Variants in DENND6B observed in about 807,000 individuals in gnomAD.
The protein encoded by DENND6B is DENN domain containing 6B.
DENND6B carries 73 observed loss-of-function variants against 85.1 expected under a neutral mutation model. That is an observed-to-expected ratio of 0.86 (90% CI 0.71 to 1.04). The LOEUF (loss-of-function observed/expected upper bound fraction) is 1.04, where lower values mean the gene tolerates loss of function less well. DENND6B is among the 50% of genes least tolerant of loss of function. The pLI is 0.00. For missense variants in DENND6B, 715 were observed against 785.8 expected (o/e 0.91, Z 1.08); for synonymous variants, 357 against 329.3 (o/e 1.08, Z -0.91).
At chr22:50,312,855 A>G in intron 17 of DENND6B, 144 bp downstream of exon 17, 4 of 174,544 alleles carry the variant, frequency 2.3e-5, no homozygotes, top group Non-Finnish European at 3.0e-5. Context: ...GGGGATTGAC[A>G]GGCGGGGGGC....
chr22:50,316,438 A>G lies in DENND6B; in HGVS notation c.491T>C (p.Leu164Pro). 6.3e-7 allele frequency: 1 copy of G among 1,588,352 alleles called. No homozygotes were observed. Among genetic ancestry groups the G allele is most frequent in the Non-Finnish European group, 8.6e-7 (1 of 1,168,884 alleles). ...GATGAGGCTTAGCAGCGCTTGGAAC[A>G]GCCGGACAAAGGGCAAGCGGGACAC... ...VLVSRLPFVR[L>P]FQALLSLIAP... is the part of the protein sequence containing the mutation. The change falls in exon 6 of 20, where the codon CTG (leucine) becomes CCG (proline). Residue 164 changes from leucine to proline, a missense_variant. Transcript: ENST00000413817.
rs1234021516 is a variant in DENND6B at position 50,311,294 on chromosome 22, C to G, written c.*845G>C. 2 of 152,300 alleles carry G rather than the reference C, an allele frequency of 1.3e-5. No homozygotes were observed. The highest frequency in any genetic ancestry group is 2.9e-5 in the Non-Finnish European group (2 of 68,122). The allele number at this position is 152,300 out of a possible 1,614,324, so 9.4% of individuals were successfully genotyped here. ...GAGGTGGCTCTTAGGGACGTTCACC[C>G]CTTACCAAGGAAAGGGAGACATGCA... On this transcript the variant is annotated 3_prime_UTR_variant, in exon 20 of 20. Coordinates refer to ENST00000413817, the MANE Select transcript of DENND6B (RefSeq NM_001001794.4).
chr22:50,319,842 C>T (rs1056462022), intron 1 of DENND6B, among the ~76,000 whole-genome samples: 6 of 152,240 alleles, frequency 3.9e-5, no homozygotes, highest in Non-Finnish European at 5.9e-5. Context: ...AGCGCCCAGC[C>T]GGACAAGGCC....
rs868515811 is a variant in DENND6B at position 50,309,043 on chromosome 22, G to A, written c.*3096C>T. The A allele has an allele frequency of 6.6e-6, 1 of 152,184 alleles. No individual in the cohort carries two copies. The highest frequency in any genetic ancestry group is 2.4e-5 in the African/African-American group (1 of 41,436). The allele number at this position is 152,184 out of a possible 1,614,324, so 9.4% of individuals were successfully genotyped here. A position where few individuals can be genotyped will look rare whatever the true frequency, so the allele number is the denominator to read the frequency against. ...GAAAAGACAAGGTCCAGTCACAAAA[G>A]GACATTTTAATACCAAAACTGTGGG... is the stretch of plus-strand genomic sequence containing the variant. On this transcript the variant is annotated 3_prime_UTR_variant, in exon 20 of 20. Coordinates refer to ENST00000413817, the MANE Select transcript of DENND6B (RefSeq NM_001001794.4).
At chr22:50,314,025 C>G in intron 13 of DENND6B, 147 bp from the exon 14 acceptor site, 1 of 1,290,646 alleles carries the variant, frequency 7.7e-7, no homozygotes, top group Non-Finnish European at 1.0e-6. Context: ...CACCCACCCC[C>G]CAGACACCGA....
chr22:50,318,897 A>G lies in DENND6B; in HGVS notation c.217-8T>C, dbSNP rs761658701. ...GTAGCAGATGCTGCTTTTCTGAAAC[A>G]TATAAAACCCCGGTGAGGGCCGACC... is the stretch of plus-strand genomic sequence containing the variant. On this transcript the variant is annotated splice_region_variant and splice_polypyrimidine_tract_variant and intron_variant, in intron 2 of 19. Coordinates refer to ENST00000413817, the MANE Select transcript of DENND6B (RefSeq NM_001001794.4). 6.2e-7 allele frequency: 1 copy of G among 1,612,888 alleles called. No individual in the cohort carries two copies. The highest frequency in any genetic ancestry group is 1.1e-5 in the South Asian group (1 of 90,966).
rs147785357 is a variant in DENND6B, at chr22:50,309,599, G to A, written c.*2540C>T. The A allele has an allele frequency of 3.3e-3, 505 of 152,428 alleles. 1 individual carries two copies. The highest frequency in any genetic ancestry group is 0.013 in the Middle Eastern group (4 of 298). The allele number at this position is 152,428 out of a possible 1,614,324, so 9.4% of individuals were successfully genotyped here. Reference sequence around the variant, plus strand: ...GACAGGCCCTGAGGAAGAGGGGCTGGGACACTACCCCCCACCTTAGCCTTA... The same window carrying A: ...GACAGGCCCTGAGGAAGAGGGGCTGAGACACTACCCCCCACCTTAGCCTTA... On this transcript the variant is annotated 3_prime_UTR_variant, in exon 20 of 20. Coordinates refer to ENST00000413817, the MANE Select transcript of DENND6B (RefSeq NM_001001794.4).
At position 50,313,093 on chromosome 22, in the gene DENND6B, G is replaced by C. The variant is rs2068105171; in HGVS notation, c.1363C>G (p.Gln455Glu). Residue 455 changes from glutamine (Q) to glutamate (E), a missense_variant, in exon 17 of 20, where the codon CAG (glutamine) becomes GAG (glutamate). By Grantham distance (29) the Gln-to-Glu change is conservative. Transcript: ENST00000413817. ...AGGAAGTCATCCTGGCTGAAGGGCT[G>C]GATCTGGGGGGGAGTCTGAGAGGGG... ...ITPWKTPPQI[Q>E]PFSQDDFLRS... The C allele has an allele frequency of 1.3e-6, 2 of 1,555,898 alleles. No individual in the cohort carries two copies. The highest frequency in any genetic ancestry group is 2.7e-5 in the African/African-American group (2 of 73,412).
chr22:50,319,088 C>T (rs1411423039), intron 1 of DENND6B, 85 bp from the exon 2 acceptor site: 11 of 1,546,214 alleles, frequency 7.1e-6, no homozygotes, highest in Middle Eastern at 1.7e-4. Flanking sequence ...CTGTGACCGT[C>T]CCAGCAGCTG....
In DENND6B at chr22:50,311,934, G is replaced by T. The variant is rs74328098; in HGVS notation, c.*205C>A. On this transcript the variant is annotated 3_prime_UTR_variant, in exon 20 of 20. Coordinates refer to ENST00000413817, the MANE Select transcript of DENND6B (RefSeq NM_001001794.4). ...CCCAGGAGGAGGCAAGGCTCTGCCT[G>T]CGAGGAACCCCTATGGTCAAGGCCA... 1.1e-6 allele frequency: 1 copy of T among 871,364 alleles called. No individual in the cohort carries two copies. Among genetic ancestry groups the T allele is most frequent in the Non-Finnish European group, 1.7e-6 (1 of 589,424 alleles). 54.0% of individuals were successfully genotyped at this position (871,364 alleles called of 1,614,324 possible).
Position 50,314,815 on chromosome 22 carries a change from C to T in DENND6B, c.865G>A (p.Val289Met). 6.2e-7 allele frequency: 1 copy of T among 1,608,892 alleles called. No homozygotes were observed. Among genetic ancestry groups the T allele is most frequent in the Non-Finnish European group, 8.5e-7 (1 of 1,178,222 alleles). Residue 289 changes from valine to methionine, a missense_variant, in exon 10 of 20, where the codon GTG (valine) becomes ATG (methionine). By Grantham distance (21) the Val-to-Met change is conservative. Coordinates refer to ENST00000413817, the MANE Select transcript of DENND6B (RefSeq NM_001001794.4). Reference protein sequence around the residue: ...APSPDVSSEMVLALTSCLQPL... With the variant: ...APSPDVSSEMMLALTSCLQPL... Reference sequence around the variant, plus strand: ...AGGCGATACCTGGTCAAGGCCAGCACCATCTCCGAGGACACGTCGGGCGAG... The same window carrying T: ...AGGCGATACCTGGTCAAGGCCAGCATCATCTCCGAGGACACGTCGGGCGAG...
At chr22:50,312,945 C>A (rs112061432) in intron 17 of DENND6B, 54 bp downstream of exon 17, 21 of 1,480,910 alleles carry the variant, frequency 1.4e-5, no homozygotes, top group East Asian at 2.5e-5. Context: ...GGCCATGGGG[C>A]TGACCCTGTG....
intron 11 of DENND6B, 51 bp from the exon 12 acceptor site, chr22:50,314,545 C>G: frequency 6.4e-7 from 1 of 1,553,826 alleles, no homozygotes; most frequent in Non-Finnish European, 8.7e-7. Context: ...CAGGGAGGTG[C>G]AGGAAGGGCG....
At chr22:50,315,107 T>G in intron 9 of DENND6B, 186 bp from the exon 10 acceptor site, 1 of 868,818 alleles carries the variant, frequency 1.2e-6, no homozygotes, top group Non-Finnish European at 1.7e-6. Flanking sequence ...GCTGTGACAA[T>G]CCACCTGTGC....
At position 50,314,368 on chromosome 22, in the gene DENND6B, C is replaced by CA. The variant is rs2041709960; in HGVS notation, c.1072+31dup. The CA allele has an allele frequency of 3.2e-6, 5 of 1,568,096 alleles. No individual in the cohort carries two copies. In the African/African-American group the frequency reaches 6.8e-5, roughly 21 times the overall value. On this transcript the variant is annotated intron_variant, in intron 12 of 19. Transcript: ENST00000413817. ...CCCCACACTCAACGAGGCTTCTGAG[C>CA]AGCACCCCCTGCACCTCACCGGGAG...
At chr22:50,319,783 C>T (rs1179857533) in intron 1 of DENND6B, among the ~76,000 whole-genome samples, 1 of 152,248 alleles carries the variant, frequency 6.6e-6, no homozygotes, top group Non-Finnish European at 1.5e-5. Context: ...CCGTCCTGCT[C>T]AGCAGTCTTC....
At chr22:50,319,191 A>G (rs2041961514) in intron 1 of DENND6B, 188 bp from the exon 2 acceptor site, 2 of 1,504,828 alleles carry the variant, frequency 1.3e-6, no homozygotes, top group Non-Finnish European at 1.8e-6. Flanking sequence ...TCCCCACACC[A>G]TATTCTCTGT....
Position 50,316,439 on chromosome 22 carries a change from G to C in DENND6B, c.490C>G (p.Leu164Val). The change falls in exon 6 of 20, where the codon CTG becomes GTG. Residue 164 changes from leucine (L) to valine (V), a missense_variant. By Grantham distance (32) the Leu-to-Val change is conservative. Transcript: ENST00000413817. Reference protein sequence around the residue: ...VLVSRLPFVRLFQALLSLIAP... With the variant: ...VLVSRLPFVRVFQALLSLIAP... ...ATGAGGCTTAGCAGCGCTTGGAACA[G>C]CCGGACAAAGGGCAAGCGGGACACC... 1.9e-6 allele frequency: 3 copies of C among 1,588,318 alleles called. No individual in the cohort carries two copies. Among genetic ancestry groups the C allele is most frequent in the Non-Finnish European group, 2.6e-6 (3 of 1,168,884 alleles).
chr22:50,319,110 T>C (rs1416021239), intron 1 of DENND6B, 107 bp from the exon 2 acceptor site: 18 of 1,543,326 alleles, frequency 1.2e-5, no homozygotes, highest in Non-Finnish European at 1.6e-5. Flanking sequence ...AGCATCTGTC[T>C]GTGGGGCGCA....
Sources: gnomAD v4.1 joint callset for allele counts (sites outside exome capture counted in the v4.1 genomes callset) on GRCh38, gnomAD v4.1.1 for gene constraint, MANE v1.5 for transcripts, NCBI Gene and HGNC (gene_info 2026-07-23, HGNC 2026-07-21) for gene names.